MAP3K21: variants seen among roughly 807,000 people sequenced by gnomAD.
The protein encoded by MAP3K21 is mitogen-activated protein kinase kinase kinase 21, also known as mitogen-activated protein kinase kinase kinase MLK4.
Under a neutral mutation model 86.1 loss-of-function variants are expected in MAP3K21, and 63 were observed. The ratio of observed to expected loss-of-function variants is 0.73; its 90% CI spans 0.60 to 0.90. MAP3K21 has a LOEUF of 0.90. Ranked by LOEUF, MAP3K21 falls within the 40% of genes least tolerant of loss-of-function variation. MAP3K21 has a pLI of 0.00. For missense variants in MAP3K21, 1,220 were observed against 1,367.7 expected (o/e 0.89, Z 1.70); for synonymous variants, 558 against 564.8 (o/e 0.99, Z 0.17).
chr1:233,345,083 C>G (rs1663107670), intron 1 of MAP3K21, among the ~76,000 whole-genome samples: 2 of 152,182 alleles, frequency 1.3e-5, no homozygotes, highest in African/African-American at 4.8e-5. Context: ...CAGGAAACAA[C>G]AGATGCTGGA....
intron 2 of MAP3K21, among the ~76,000 whole-genome samples, chr1:233,347,637 C>T (rs927147398): frequency 1.3e-5 from 2 of 152,124 alleles, no homozygotes; most frequent in African/African-American, 4.8e-5. Context: ...GAATAGAAAA[C>T]CGAATATCAC....
At position 233,379,133 on chromosome 1, in the gene MAP3K21, T is replaced by A; in HGVS notation, c.2127T>A (p.Ser709Arg). Residue 709 changes from serine (S) to arginine (R), a missense_variant, in exon 9 of 10, where the codon AGT becomes AGA. Ser to Arg is a moderately radical substitution (Grantham distance 110). This residue lies in a region of MAP3K21 where 632 missense variants were observed against 691.3 expected (regional missense o/e 0.91). Coordinates refer to ENST00000366624, the MANE Select transcript of MAP3K21 (RefSeq NM_032435.3). ...CCATTGAGATGACTCCTACGAATAG[T>A]CTGAGTAGATCCCCCCAGAGAAAGA... ...TVSIEMTPTN[S>R]LSRSPQRKKT... 1 of 1,614,196 alleles carries A rather than the reference T, an allele frequency of 6.2e-7. No homozygotes were observed.
intron 1 of MAP3K21, among the ~76,000 whole-genome samples, chr1:233,336,701 T>A (rs1271448706): frequency 6.6e-6 from 1 of 152,218 alleles, no homozygotes; most frequent in Non-Finnish European, 1.5e-5. Context: ...TTCATTAGTC[T>A]ATCTTACTTT....
At chr1:233,354,045 G>A (rs1027282344) in intron 3 of MAP3K21, 90 bp downstream of exon 3, 17 of 1,314,562 alleles carry the variant, frequency 1.3e-5, no homozygotes, top group South Asian at 2.4e-5. Context: ...CATTTTCTGT[G>A]ACTCTAATTT....
chr1:233,328,308 G>A lies in MAP3K21; in HGVS notation c.280G>A (p.Ala94Thr). 6.7e-7 allele frequency: 1 copy of A among 1,483,716 alleles called. No homozygotes were observed. Among genetic ancestry groups the A allele is most frequent in the Admixed American group, 2.3e-5 (1 of 43,852 alleles). 91.9% of individuals were successfully genotyped at this position (1,483,716 alleles called of 1,614,324 possible). The change falls in exon 1 of 10, where the codon GCC (alanine) becomes ACC (threonine). Residue 94 changes from alanine (A) to threonine (T), a missense_variant. Ala to Thr is a moderately conservative substitution (Grantham distance 58). This residue lies in a region of MAP3K21 where 369 missense variants were observed against 385.3 expected (regional missense o/e 0.96). Coordinates refer to ENST00000366624, the MANE Select transcript of MAP3K21 (RefSeq NM_032435.3). This position sits in a 1 kb window ranked among gnomAD's most constrained non-coding sequence, Gnocchi z 8.7. ...QVQRRLGIFP[A>T]NYVAPCRPAA... ...GCAGCGGCGCCTCGGCATCTTCCCC[G>A]CCAACTACGTGGCTCCCTGCCGCCC...
intron 1 of MAP3K21, among the ~76,000 whole-genome samples, chr1:233,332,902 C>T (rs1662837336): frequency 6.6e-6 from 1 of 151,888 alleles, no homozygotes; most frequent in Non-Finnish European, 1.5e-5. Flanking sequence ...ATGGTAGCTA[C>T]TTACTTTTAT....
intron 5 of MAP3K21, among the ~76,000 whole-genome samples, chr1:233,371,552 G>T (rs1473849692): frequency 6.6e-6 from 1 of 152,078 alleles, no homozygotes; most frequent in Non-Finnish European, 1.5e-5. Context: ...TAGAGATGGG[G>T]TTTTGCCATG....
intron 8 of MAP3K21, among the ~76,000 whole-genome samples, chr1:233,378,222 G>A (rs1024428779): frequency 2.6e-5 from 4 of 152,216 alleles, no homozygotes; most frequent in Admixed American, 2.6e-4. Flanking sequence ...GTTTAATTAT[G>A]CGCTGTCACT....
chr1:233,371,955 T>G (rs1663692565), intron 5 of MAP3K21, 83 bp from the exon 6 acceptor site: 1 of 1,414,504 alleles, frequency 7.1e-7, no homozygotes, highest in South Asian at 1.7e-5. Context: ...CCATTTTTGT[T>G]TTTATTGCTG....
chr1:233,365,029 C>G (rs1309181755), intron 5 of MAP3K21, among the ~76,000 whole-genome samples: 1 of 152,002 alleles, frequency 6.6e-6, no homozygotes, highest in Non-Finnish European at 1.5e-5. Context: ...GACAGACATC[C>G]AAAAAGGGAA....
chr1:233,339,316 CTCTTCTTCTTCTTCCTCT>C lies in MAP3K21; in HGVS notation c.806-7119_806-7102del, dbSNP rs1558451021. Among the ~76,000 whole-genome samples, 199 of 81,590 alleles carry C rather than the reference CTCTTCTTCTTCTTCCTCT, an allele frequency of 2.4e-3. 24 individuals are homozygous for C. Among genetic ancestry groups the C allele is most frequent in the South Asian group, 4.4e-3 (11 of 2,504 alleles). The allele number at this position is 81,590 out of a possible 152,430, so 53.5% of individuals were successfully genotyped here. A position where few individuals can be genotyped will look rare whatever the true frequency, so the allele number is the denominator to read the frequency against. On this transcript the variant is annotated intron_variant, in intron 1 of 9. Transcript: ENST00000366624. Reference sequence around the variant, plus strand: ...CCTCTTCTTCTTCCTCTTCTTCTTCCTCTTCTTCTTCTTCCTCTTCTTCTCCCTCTTCTCCCTCTTCTC... The same window carrying C: ...CCTCTTCTTCTTCCTCTTCTTCTTCCTCTTCTCCCTCTTCTCCCTCTTCTC...
chr1:233,351,477 G>T (rs920691540), intron 2 of MAP3K21, among the ~76,000 whole-genome samples: 1 of 152,104 alleles, frequency 6.6e-6, no homozygotes, highest in Non-Finnish European at 1.5e-5. Flanking sequence ...TGGATCACAA[G>T]GTCAGGAGTT....
At chr1:233,350,705 A>G (rs1196260530) in intron 2 of MAP3K21, among the ~76,000 whole-genome samples, 1 of 152,132 alleles carries the variant, frequency 6.6e-6, no homozygotes, top group East Asian at 1.9e-4. Flanking sequence ...TAAGTAGCCG[A>G]GGCACAGAGA....
intron 5 of MAP3K21, among the ~76,000 whole-genome samples, chr1:233,368,942 A>G (rs941446284): frequency 6.6e-6 from 1 of 152,182 alleles, no homozygotes; most frequent in African/African-American, 2.4e-5. Context: ...TTTTCTAAGT[A>G]CCTGTAATGT....
rs565444638 is a variant in MAP3K21, at chr1:233,372,548, G to A, written c.1675+388G>A. On this transcript the variant is annotated intron_variant, in intron 6 of 9. Coordinates refer to ENST00000366624, the MANE Select transcript of MAP3K21 (RefSeq NM_032435.3). ...CAGGATTACTTCTGTTTCTTTCTTT[G>A]TTTCGTGAGGGGAAAAAATTTTTGC... 7 of 228,296 alleles carry A rather than the reference G, an allele frequency of 3.1e-5. No individual in the cohort carries two copies. In the East Asian group the frequency reaches 6.2e-4, roughly 20 times the overall value. The allele number at this position is 228,296 out of a possible 1,614,324, so 14.1% of individuals were successfully genotyped here. A position where few individuals can be genotyped will look rare whatever the true frequency, so the allele number is the denominator to read the frequency against.
chr1:233,360,189 T>G (rs1458167219), intron 4 of MAP3K21, among the ~76,000 whole-genome samples: 1 of 152,214 alleles, frequency 6.6e-6, no homozygotes, highest in African/African-American at 2.4e-5. Context: ...AGTTAGAAAT[T>G]GAAAGGTGAC....
intron 4 of MAP3K21, among the ~76,000 whole-genome samples, chr1:233,356,895 C>G (rs115407735): frequency 1.4e-3 from 219 of 152,278 alleles, no homozygotes; most frequent in African/African-American, 5.0e-3. Context: ...TGGTTGCAAA[C>G]ACATCTCCAA....
chr1:233,362,249 G>T lies in MAP3K21; in HGVS notation c.1508G>T (p.Ser503Ile), dbSNP rs1390773752. 3 of 1,614,216 alleles carry T rather than the reference G, an allele frequency of 1.9e-6. No homozygotes were observed. The Admixed American group carries it at 5.0e-5, about 27-fold the overall frequency. The change falls in exon 5 of 10, where the codon AGT (serine) becomes ATT (isoleucine). Residue 503 changes from serine (S) to isoleucine (I), a missense_variant. Physicochemically the swap from Ser to Ile is moderately radical, Grantham distance 142 (BLOSUM62 -2). Around this residue, in one of 5 missense-constraint regions of MAP3K21, gnomAD observed 632 missense variants for 691.3 expected, o/e 0.91. Coordinates refer to ENST00000366624, the MANE Select transcript of MAP3K21 (RefSeq NM_032435.3). Reference protein sequence around the residue: ...VKKRKGKFKRSRLKLKDGHRI... With the variant: ...VKKRKGKFKRIRLKLKDGHRI... ...AAGAGGAAGGGCAAGTTTAAGAGAA[G>T]TCGTTTAAAGCTCAAAGATGGACAT...
intron 4 of MAP3K21, among the ~76,000 whole-genome samples, chr1:233,355,752 G>C (rs1161081733): frequency 2.0e-5 from 3 of 151,954 alleles, no homozygotes; most frequent in African/African-American, 7.3e-5. Flanking sequence ...GTGTTCCTGT[G>C]GTCTTCTGTG....
Sources: gnomAD v4.1 joint callset for allele counts (sites outside exome capture counted in the v4.1 genomes callset) on GRCh38, gnomAD v4.1.1 for gene constraint, gnomAD v4.1.1 regional missense constraint, Gnocchi (gnomAD v3.1) non-coding constraint, MANE v1.5 for transcripts, NCBI Gene and HGNC (gene_info 2026-07-23, HGNC 2026-07-21) for gene names.